The following PCDHA10 variants were observed in gnomAD, a reference collection of about 807,000 sequenced individuals.
PCDHA10 encodes protocadherin alpha 10, also known as protocadherin alpha-10.
A neutral mutation model predicts 61.2 loss-of-function variants in PCDHA10; 45 were observed. That is an observed-to-expected ratio of 0.74 (90% CI 0.58 to 0.94). The LOEUF is 0.94. Ranked by LOEUF, PCDHA10 falls within the 40% of genes least tolerant of loss-of-function variation. The pLI, the probability that PCDHA10 is intolerant of heterozygous loss-of-function variation, is 0.00. For missense variants in PCDHA10, 1,278 were observed against 1,236.2 expected (o/e 1.03, Z -0.51); for synonymous variants, 602 against 548.8 (o/e 1.10, Z -1.35).
chr5:140,885,283 T>C (rs1326439795), intron 1 of PCDHA10, among the ~76,000 whole-genome samples: 2 of 152,298 alleles, frequency 1.3e-5, no homozygotes, highest in Admixed American at 6.5e-5. Context: ...TATATACATA[T>C]ATAGAGAGAG....
chr5:140,952,215 C>T (rs2094705548), intron 1 of PCDHA10, among the ~76,000 whole-genome samples: 1 of 152,034 alleles, frequency 6.6e-6, no homozygotes, highest in African/African-American at 2.4e-5. Context: ...GCAGCTTTTC[C>T]AGGCACAGTG....
chr5:140,944,853 C>T (rs1230548858), intron 1 of PCDHA10, among the ~76,000 whole-genome samples: 1 of 152,118 alleles, frequency 6.6e-6, no homozygotes, highest in East Asian at 1.9e-4. Context: ...TTAGAATCAT[C>T]CTTATTTATC....
At chr5:140,917,334 G>T (rs1466426021) in intron 1 of PCDHA10, among the ~76,000 whole-genome samples, 7 of 147,628 alleles carry the variant, frequency 4.7e-5, no homozygotes, top group Admixed American at 4.1e-4. Context: ...CGGGGGAGGG[G>T]GGGGATGGTG....
chr5:140,968,257 T>A (rs781932747), intron 1 of PCDHA10: 1 of 1,614,064 alleles, frequency 6.2e-7, no homozygotes, highest in Non-Finnish European at 8.5e-7. Flanking sequence ...CAGACCCAGA[T>A]GAAAAGGAGA....
rs781863404 is a variant in PCDHA10, at chr5:141,010,259, G to C, written c.*322G>C. 6.4e-7 allele frequency: 1 copy of C among 1,551,820 alleles called. No individual in the cohort carries two copies. The highest frequency in any genetic ancestry group is 1.2e-5 in the South Asian group (1 of 84,074). On this transcript the variant is annotated 3_prime_UTR_variant, in exon 4 of 4. Coordinates refer to ENST00000307360, the MANE Select transcript of PCDHA10 (RefSeq NM_018901.4). Reference sequence around the variant, plus strand: ...TGAGAGGTTGGACTCTCTGCCCTGTGCTCCGGGGATCCTGTCTTGATGACA... The same window carrying C: ...TGAGAGGTTGGACTCTCTGCCCTGTCCTCCGGGGATCCTGTCTTGATGACA...
intron 1 of PCDHA10, chr5:140,864,396 G>T (rs2048459702): frequency 6.6e-6 from 1 of 152,210 alleles, no homozygotes; most frequent in South Asian, 2.1e-4. Flanking sequence ...CACAAATGGT[G>T]ATGAGCAGGG....
At chr5:140,941,214 C>CCTTTCTTCCTTTCTTTCTTTCTTTCTTT (rs2092875794) in intron 1 of PCDHA10, among the ~76,000 whole-genome samples, 1 of 122,414 alleles carries the variant, frequency 8.2e-6, no homozygotes, top group Non-Finnish European at 1.7e-5. Flanking sequence ...TTTCTTTCTT[C>CCTTTCTTCCTTTCTTTCTTTCTTTCTTT]CTTTCTTTCT....
In PCDHA10 at chr5:140,983,053, C is replaced by T. The variant is rs571565176; in HGVS notation, c.2536+490C>T. 3.3e-5 allele frequency among the ~76,000 whole-genome samples: 5 copies of T among 151,988 alleles called. No homozygotes were observed. In the East Asian group the frequency reaches 5.8e-4, roughly 18 times the overall value. On this transcript the variant is annotated intron_variant, in intron 3 of 3. Transcript: ENST00000307360. ...GTTTCTCATGGAAGTGGAAAATTAT[C>T]GGAACCAAGGCATTGTTTTGAGTTC...
chr5:140,862,720 G>T (rs558152493), intron 1 of PCDHA10: 18 of 566,048 alleles, frequency 3.2e-5, no homozygotes, highest in Non-Finnish European at 6.2e-5. Flanking sequence ...GGGCGAGTGC[G>T]CGCTGTCTAG....
In PCDHA10 at chr5:140,884,485, A is replaced by G. The variant is rs781880810; in HGVS notation, c.2388+26049A>G. 8 of 1,613,726 alleles carry G rather than the reference A, an allele frequency of 5.0e-6. No homozygotes were observed. The South Asian group carries it at 6.6e-5, about 13-fold the overall frequency. Reference sequence around the variant, plus strand: ...CGTGCGCGCCGGGCAAGCCCACTCTAGTGTGCTCCAGCGCGGCAGGGAGTT... The same window carrying G: ...CGTGCGCGCCGGGCAAGCCCACTCTGGTGTGCTCCAGCGCGGCAGGGAGTT... On this transcript the variant is annotated intron_variant, in intron 1 of 3. Transcript: ENST00000307360.
intron 1 of PCDHA10, among the ~76,000 whole-genome samples, chr5:140,885,230 T>G (rs2060523657): frequency 6.6e-6 from 1 of 152,166 alleles, no homozygotes; most frequent in Non-Finnish European, 1.5e-5. Flanking sequence ...GTGATTCTGC[T>G]TTCAATTTTT....
chr5:140,884,042 G>A (rs1554181105), intron 1 of PCDHA10: 4 of 1,613,464 alleles, frequency 2.5e-6, no homozygotes, highest in Non-Finnish European at 3.4e-6. Flanking sequence ...CCACGTGGTG[G>A]CGAAGGTGCG....
intron 1 of PCDHA10, among the ~76,000 whole-genome samples, chr5:140,938,897 G>A (rs72800999): frequency 0.012 from 1,856 of 151,306 alleles, 24 homozygotes; most frequent in Non-Finnish European, 0.018. Flanking sequence ...ACACAGATGC[G>A]CACACACACA....
chr5:140,869,205 C>A (rs782278064), intron 1 of PCDHA10: 1 of 1,613,994 alleles, frequency 6.2e-7, no homozygotes, highest in Non-Finnish European at 8.5e-7. Flanking sequence ...TCCACTACTC[C>A]GTCTCGGAGG....
chr5:140,882,898 A>T lies in PCDHA10; in HGVS notation c.2388+24462A>T, dbSNP rs781828373. 6 of 1,614,100 alleles carry T rather than the reference A, an allele frequency of 3.7e-6. No individual in the cohort carries two copies. In the Admixed American group the frequency reaches 5.0e-5, roughly 13 times the overall value. On this transcript the variant is annotated intron_variant, in intron 1 of 3. Coordinates refer to ENST00000307360, the MANE Select transcript of PCDHA10 (RefSeq NM_018901.4). ...GAGAGGAAATTCAGGAACATAGTTT[A>T]TTACTGACAGCCAGTGATGGAGGTA...
At chr5:140,928,994 T>G (rs781964406) in intron 1 of PCDHA10, 2 of 1,613,992 alleles carry the variant, frequency 1.2e-6, no homozygotes, top group Admixed American at 3.3e-5. Flanking sequence ...TGCTTACTTT[T>G]CTTCGTGTGT....
At chr5:140,861,466 TG>T in intron 1 of PCDHA10, 1 of 493,934 alleles carries the variant, frequency 2.0e-6, no homozygotes, top group Admixed American at 2.1e-5. Flanking sequence ...GAGGTAAATC[TG>T]CAGAATGGCA....
chr5:140,991,588 C>T (rs1252872687), intron 3 of PCDHA10, among the ~76,000 whole-genome samples: 3 of 152,212 alleles, frequency 2.0e-5, no homozygotes, highest in African/African-American at 7.2e-5. Flanking sequence ...TTATTTCTAC[C>T]TGAGCCCTCA....
intron 1 of PCDHA10, among the ~76,000 whole-genome samples, chr5:140,895,125 G>T (rs1165797883): frequency 2.0e-5 from 3 of 152,068 alleles, no homozygotes; most frequent in African/African-American, 7.2e-5. Flanking sequence ...TTTGTTAGTT[G>T]ACAAGTTCAT....
Sources: gnomAD v4.1 joint callset for allele counts (sites outside exome capture counted in the v4.1 genomes callset) on GRCh38, gnomAD v4.1.1 for gene constraint, MANE v1.5 for transcripts, NCBI Gene and HGNC (gene_info 2026-07-23, HGNC 2026-07-21) for gene names.